The following VPS13A variants were observed in gnomAD, a reference collection of about 807,000 sequenced individuals.
VPS13A encodes the protein vacuolar protein sorting 13 homolog A.
In VPS13A, 264 loss-of-function variants were observed where a neutral mutation model predicts 390.9. The observed-to-expected ratio is 0.68, with a 90% confidence interval of 0.61 to 0.75. VPS13A has a LOEUF of 0.75. VPS13A is among the 30% of genes least tolerant of loss of function. The pLI, the probability that VPS13A is intolerant of heterozygous loss-of-function variation, is 0.00. For missense variants in VPS13A, 3,409 were observed against 3,733.9 expected, an observed-to-expected ratio of 0.91 and a Z score of 2.27; for synonymous variants, 1,231 against 1,227.1, an observed-to-expected ratio of 1.00 and a Z score of -0.07.
chr9:77,347,307 C>T (rs1481115383), intron 52 of VPS13A, among the ~76,000 whole-genome samples: 3 of 151,536 alleles, frequency 2.0e-5, no homozygotes, highest in African/African-American at 7.3e-5. Flanking sequence ...TTGAATCTAC[C>T]ATCCATGAGC....
intron 33 of VPS13A, among the ~76,000 whole-genome samples, chr9:77,298,472 T>C (rs980855701): frequency 3.9e-5 from 6 of 152,012 alleles, no homozygotes; most frequent in African/African-American, 1.4e-4. Flanking sequence ...GAAAATGTAT[T>C]TGAGGCAGCA....
At position 77,395,098 on chromosome 9, in the gene VPS13A, CTGTT is replaced by C. The variant is rs200305742; in HGVS notation, c.9190-8135_9190-8132del. Among the ~76,000 whole-genome samples the C allele has an allele frequency of 4.6e-3, 708 of 152,290 alleles. 6 individuals carry two copies. The highest frequency in any genetic ancestry group is 0.016 in the African/African-American group (662 of 41,568). ...ATTTTTCCTTTGCATTCAAGATTGG[CTGTT>C]TGGTACAAGAGGTACTACCTTTCAG... On this transcript the variant is annotated intron_variant, in intron 68 of 71. Transcript: ENST00000360280.
intron 33 of VPS13A, among the ~76,000 whole-genome samples, chr9:77,297,097 TTTG>T (rs1387267943): frequency 1.3e-5 from 2 of 152,130 alleles, no homozygotes; most frequent in East Asian, 1.9e-4. Flanking sequence ...TTTTTCTTTT[TTTG>T]TTTTCTCATT....
At chr9:77,319,804 C>G in intron 42 of VPS13A, 131 bp downstream of exon 42, 1 of 530,402 alleles carries the variant, frequency 1.9e-6, no homozygotes, top group East Asian at 3.2e-5. Flanking sequence ...ATACCACCTA[C>G]TTCTGCACAT....
intron 1 of VPS13A, among the ~76,000 whole-genome samples, chr9:77,191,849 A>G (rs1824705517): frequency 6.6e-6 from 1 of 152,128 alleles, no homozygotes; most frequent in Admixed American, 6.6e-5. Context: ...AGAATAACGT[A>G]TATTCTGTTT....
At position 77,203,436 on chromosome 9, in the gene VPS13A, C is replaced by T. The variant is rs952621919; in HGVS notation, c.188-1877C>T. Among the ~76,000 whole-genome samples the T allele has an allele frequency of 7.9e-5, 12 of 152,042 alleles. 1 individual carries two copies. Among genetic ancestry groups the T allele is most frequent in the South Asian group, 2.1e-4 (1 of 4,822 alleles). ...CCGAGTAGCTGGGACTACAGGTGTA[C>T]GCCGCCATGCCTGGCTAATTTTTGT... is the stretch of plus-strand genomic sequence containing the variant. On this transcript the variant is annotated intron_variant, in intron 3 of 71. Coordinates refer to ENST00000360280, the MANE Select transcript of VPS13A (RefSeq NM_033305.3).
chr9:77,374,708 A>G (rs1832976494), intron 67 of VPS13A, among the ~76,000 whole-genome samples: 1 of 152,194 alleles, frequency 6.6e-6, no homozygotes, highest in African/African-American at 2.4e-5. Context: ...TAATTTTAAT[A>G]CACATTGTTT....
At chr9:77,377,769 C>T (rs991218475) in intron 67 of VPS13A, among the ~76,000 whole-genome samples, 1 of 152,042 alleles carries the variant, frequency 6.6e-6, no homozygotes, top group Non-Finnish European at 1.5e-5. Context: ...AGTAGAAGTG[C>T]TGAGAGAATA....
chr9:77,240,769 C>T (rs978771934), intron 19 of VPS13A, among the ~76,000 whole-genome samples: 11 of 152,104 alleles, frequency 7.2e-5, no homozygotes, highest in East Asian at 3.9e-4. Context: ...CCACCATGCC[C>T]GTTGCATATT....
rs115876045 is a variant in VPS13A at position 77,401,756 on chromosome 9, C to A, written c.9190-1480C>A. ...TTATAAATTATCTAATACAGTAGTCCTGTCATTTCCACAGTTGCTTTCTGC... is the reference window on the plus strand; with the variant it reads ...TTATAAATTATCTAATACAGTAGTCATGTCATTTCCACAGTTGCTTTCTGC... On this transcript the variant is annotated intron_variant, in intron 68 of 71. Transcript: ENST00000360280. Among the ~76,000 whole-genome samples, 1,072 of 152,252 alleles carry A rather than the reference C, an allele frequency of 7.0e-3. 12 individuals are homozygous for A. The highest frequency in any genetic ancestry group is 0.022 in the East Asian group (112 of 5,190).
intron 1 of VPS13A, among the ~76,000 whole-genome samples, chr9:77,178,497 A>C (rs10781423): frequency 0.57 from 87,210 of 152,050 alleles, 25,341 homozygotes; most frequent in East Asian, 0.69. Flanking sequence ...AGGAATGTGT[A>C]ACATTTTCAA....
intron 6 of VPS13A, among the ~76,000 whole-genome samples, chr9:77,210,064 T>C (rs568238542): frequency 1.2e-4 from 18 of 152,248 alleles, no homozygotes; most frequent in Non-Finnish European, 4.4e-5. Flanking sequence ...AATATAGGAA[T>C]GAAAGTTTTT....
chr9:77,385,176 A>T, intron 68 of VPS13A: 1 of 921,260 alleles, frequency 1.1e-6, no homozygotes, highest in Non-Finnish European at 1.3e-6. Flanking sequence ...ATAATAATAA[A>T]CATATGTAAT....
chr9:77,389,167 A>C (rs1027415655), intron 68 of VPS13A, among the ~76,000 whole-genome samples: 1 of 152,164 alleles, frequency 6.6e-6, no homozygotes, highest in Non-Finnish European at 1.5e-5. Flanking sequence ...AAAAGTATAA[A>C]TTGCCATTTT....
chr9:77,367,005 G>T (rs557467222), intron 61 of VPS13A, 133 bp downstream of exon 61: 12 of 807,212 alleles, frequency 1.5e-5, no homozygotes, highest in Non-Finnish European at 2.1e-5. Context: ...GCATTCAAGT[G>T]AAGTGCAATC....
At chr9:77,305,188 T>G (rs778367404) in intron 34 of VPS13A, among the ~76,000 whole-genome samples, 23 of 152,264 alleles carry the variant, frequency 1.5e-4, no homozygotes, top group Non-Finnish European at 2.2e-4. Flanking sequence ...TCCACCCCCC[T>G]TGGCCTCCCA....
Position 77,339,574 on chromosome 9 carries a change from C to T in VPS13A, c.6437C>T (p.Ala2146Val). 6.3e-7 allele frequency: 1 copy of T among 1,595,056 alleles called. No homozygotes were observed. The highest frequency in any genetic ancestry group is 8.6e-7 in the Non-Finnish European group (1 of 1,169,506). ...SEGHSAQICT[A>V]QLGKARLHLK... ...GGACATTCAGCCCAGATTTGTACTG[C>T]ACAGTTGGGTAAAGCCAGGCTACAT... The change falls in exon 48 of 72, where the codon GCA (alanine) becomes GTA (valine). Residue 2146 changes from alanine (A) to valine (V), a missense_variant. Physicochemically the swap from Ala to Val is moderately conservative, Grantham distance 64. This residue lies in a region of VPS13A where 2,717 missense variants were observed against 2,917.4 expected (regional missense o/e 0.93). Transcript: ENST00000360280.
chr9:77,201,403 C>T lies in VPS13A; in HGVS notation c.183C>T (p.His61=). 6.2e-7 allele frequency: 1 copy of T among 1,610,422 alleles called. No homozygotes were observed. The highest frequency in any genetic ancestry group is 8.5e-7 in the Non-Finnish European group (1 of 1,176,976). The change falls in exon 3 of 72, where the codon CAC becomes CAT. Residue 61 remains histidine (H), a synonymous_variant. Coordinates refer to ENST00000360280, the MANE Select transcript of VPS13A (RefSeq NM_033305.3). ...TACCATTTAAAGTTAAAGTTGGTCA[C>T]ATAGGTAAGCCATATTCATTATTGG... The part of the protein sequence containing the change: ...LDVPFKVKVG[H]IGNLKLIIPW...
At chr9:77,381,613 T>C (rs1049030887) in intron 67 of VPS13A, among the ~76,000 whole-genome samples, 1 of 152,088 alleles carries the variant, frequency 6.6e-6, no homozygotes, top group Non-Finnish European at 1.5e-5. Context: ...CTGATAACTA[T>C]ACTTCACAGA....
Sources: allele counts gnomAD v4.1 joint callset (sites outside exome capture counted in the v4.1 genomes callset), GRCh38; gene constraint gnomAD v4.1.1; regional missense constraint gnomAD v4.1.1; transcripts MANE v1.5; gene names NCBI Gene and HGNC (gene_info 2026-07-23, HGNC 2026-07-21).